The following ITPR1 variants were observed in gnomAD, a reference collection of about 807,000 sequenced individuals.
ITPR1 encodes the protein inositol 1,4,5-trisphosphate receptor type 1.
In ITPR1, 96 loss-of-function variants were observed where a neutral mutation model predicts 318.4. The ratio of observed to expected loss-of-function variants is 0.30; its 90% confidence interval spans 0.26 to 0.36. The LOEUF is 0.36. Ranked by LOEUF, ITPR1 falls within the 10% of genes least tolerant of loss-of-function variation. ITPR1 has a pLI of 1.00. For missense variants in ITPR1, 2,440 were observed against 3,460.2 expected, an observed-to-expected ratio of 0.71 and a Z score of 7.40; for synonymous variants, 1,312 against 1,289.9, an observed-to-expected ratio of 1.02 and a Z score of -0.37.
intron 22 of ITPR1, 102 bp from the exon 23 acceptor site, chr3:4,674,966 G>A: frequency 1.6e-6 from 1 of 615,070 alleles, no homozygotes. Flanking sequence ...TTACCATAAG[G>A]AAGGTCCAAG....
At chr3:4,547,621 A>G (rs575977979) in intron 4 of ITPR1, among the ~76,000 whole-genome samples, 10 of 152,388 alleles carry the variant, frequency 6.6e-5, no homozygotes, top group Admixed American at 2.0e-4. Context: ...TACCTTTGGA[A>G]CTTAGTTACT....
chr3:4,837,372 T>C (rs2050997698), intron 61 of ITPR1, among the ~76,000 whole-genome samples: 1 of 152,146 alleles, frequency 6.6e-6, no homozygotes, highest in Non-Finnish European at 1.5e-5. Flanking sequence ...CATCCTAGGC[T>C]AAACCATAGT....
chr3:4,574,532 A>G (rs2088415428), intron 4 of ITPR1, among the ~76,000 whole-genome samples: 1 of 152,132 alleles, frequency 6.6e-6, no homozygotes, highest in Non-Finnish European at 1.5e-5. Flanking sequence ...TTTTCTTCCC[A>G]GTTTGTTTGG....
At chr3:4,725,938 G>A (rs1262082588) in intron 41 of ITPR1, among the ~76,000 whole-genome samples, 2 of 152,174 alleles carry the variant, frequency 1.3e-5, no homozygotes, top group Non-Finnish European at 2.9e-5. Context: ...CAGAGATGAT[G>A]CACTTTTGAA....
chr3:4,717,746 C>T (rs1574992487), intron 40 of ITPR1, among the ~76,000 whole-genome samples: 1 of 152,208 alleles, frequency 6.6e-6, no homozygotes, highest in Non-Finnish European at 1.5e-5. Context: ...AAGAACTTCT[C>T]TATCTGTGAG....
At chr3:4,643,813 T>C (rs564122940) in intron 7 of ITPR1, among the ~76,000 whole-genome samples, 2 of 152,112 alleles carry the variant, frequency 1.3e-5, no homozygotes, top group South Asian at 2.1e-4. Flanking sequence ...TGTTTTTTCT[T>C]AAATTTAGTT....
Position 4,498,297 on chromosome 3 carries a change from G to A in ITPR1, c.-17+3791G>A, listed in dbSNP as rs75091133. ...TAGATCTTTACTACATGACATCTCA[G>A]CACAGATCTGAAGGAGGCAAACGAG... On this transcript the variant is annotated intron_variant, in intron 2 of 61. Coordinates refer to ENST00000649015, the MANE Select transcript of ITPR1 (RefSeq NM_001378452.1). Among the ~76,000 whole-genome samples the A allele has an allele frequency of 9.4e-3, 1,432 of 152,300 alleles. 22 individuals carry two copies. The highest frequency in any genetic ancestry group is 0.033 in the African/African-American group (1,354 of 41,552).
At chr3:4,731,710 G>C (rs551453990) in intron 42 of ITPR1, among the ~76,000 whole-genome samples, 1 of 152,140 alleles carries the variant, frequency 6.6e-6, no homozygotes, top group Admixed American at 6.5e-5. Context: ...GGAGCCAAGA[G>C]TTTCCTGCCT....
intron 49 of ITPR1, among the ~76,000 whole-genome samples, chr3:4,781,995 G>C (rs1395712943): frequency 6.6e-6 from 1 of 151,934 alleles, no homozygotes; most frequent in Non-Finnish European, 1.5e-5. Context: ...AAAAAGGAGG[G>C]GAATCTCTGA....
intron 61 of ITPR1, among the ~76,000 whole-genome samples, chr3:4,839,779 A>T (rs2051201630): frequency 6.6e-6 from 1 of 152,252 alleles, no homozygotes; most frequent in Non-Finnish European, 1.5e-5. Flanking sequence ...AAGTGACATT[A>T]AAACCAGTAT....
At chr3:4,776,005 G>A (rs2046460881) in intron 47 of ITPR1, among the ~76,000 whole-genome samples, 2 of 152,248 alleles carry the variant, frequency 1.3e-5, no homozygotes, top group East Asian at 3.8e-4. Context: ...CTTGTCTTGA[G>A]TAGAGTCATT....
intron 46 of ITPR1, 84 bp from the exon 47 acceptor site, chr3:4,775,156 TAG>T: frequency 1.0e-6 from 1 of 966,612 alleles, no homozygotes; most frequent in Non-Finnish European, 1.7e-6. Flanking sequence ...ACCAACCTAT[TAG>T]AGGCTATCAG....
At chr3:4,646,396 A>C (rs2093457937) in intron 10 of ITPR1, among the ~76,000 whole-genome samples, 1 of 152,252 alleles carries the variant, frequency 6.6e-6, no homozygotes, top group Non-Finnish European at 1.5e-5. Context: ...TGAATGGAGT[A>C]GGTTACTTCA....
intron 44 of ITPR1, among the ~76,000 whole-genome samples, chr3:4,739,467 C>T (rs1047172075): frequency 6.6e-6 from 1 of 152,184 alleles, no homozygotes; most frequent in Non-Finnish European, 1.5e-5. Context: ...TGTATACAGT[C>T]TGCCCTCTGT....
In ITPR1 at chr3:4,630,157, G is replaced by T. The variant is rs1424238069; in HGVS notation, c.279+2279G>T. 2.0e-5 allele frequency among the ~76,000 whole-genome samples: 3 copies of T among 152,168 alleles called. No individual in the cohort carries two copies. In the East Asian group the frequency reaches 5.8e-4, roughly 29 times the overall value. The stretch of plus-strand genomic sequence containing the variant: ...ATACTCTTCTTAAGTCAATGCTCAG[G>T]GATGACTGCTCTGGAAGGCGTGAGG... On this transcript the variant is annotated intron_variant, in intron 5 of 61. Coordinates refer to ENST00000649015, the MANE Select transcript of ITPR1 (RefSeq NM_001378452.1).
chr3:4,688,379 C>A, intron 30 of ITPR1, 116 bp from the exon 31 acceptor site: 3 of 1,266,098 alleles, frequency 2.4e-6, no homozygotes, highest in Non-Finnish European at 3.4e-6. Flanking sequence ...TATTTACCCA[C>A]AACAGGTCCC....
intron 4 of ITPR1, among the ~76,000 whole-genome samples, chr3:4,622,517 G>A (rs568883157): frequency 7.3e-5 from 11 of 151,162 alleles, no homozygotes; most frequent in South Asian, 2.1e-4. Context: ...TCCGCCTCCC[G>A]GGTTCAAGTG....
chr3:4,510,186 A>G (rs953016315), intron 2 of ITPR1, among the ~76,000 whole-genome samples: 1 of 152,154 alleles, frequency 6.6e-6, no homozygotes, highest in East Asian at 1.9e-4. Flanking sequence ...GAGAGACAGC[A>G]TGTGCAAAGG....
intron 7 of ITPR1, among the ~76,000 whole-genome samples, chr3:4,642,852 G>C (rs1334691734): frequency 6.6e-6 from 1 of 152,154 alleles, no homozygotes; most frequent in African/African-American, 2.4e-5. Flanking sequence ...GCCATTACGT[G>C]GGCATATACT....
Sources: allele counts gnomAD v4.1 joint callset (sites outside exome capture counted in the v4.1 genomes callset), GRCh38; gene constraint gnomAD v4.1.1; transcripts MANE v1.5; gene names NCBI Gene and HGNC (gene_info 2026-07-23, HGNC 2026-07-21).